The following TEC variants were observed in gnomAD, a reference collection of about 807,000 sequenced individuals.
The protein encoded by TEC is tyrosine-protein kinase Tec.
TEC carries 72 observed loss-of-function variants against 93.0 expected under a neutral mutation model. That is an observed-to-expected ratio of 0.77 (90% CI 0.64 to 0.94). The LOEUF (loss-of-function observed/expected upper bound fraction) is 0.94, where lower values mean the gene tolerates loss of function less well. Among genes scored for constraint, TEC ranks in the 40% least tolerant of loss-of-function variants. The probability of loss-of-function intolerance (pLI) is 0.00; values close to 1 mark genes in which losing one functional copy is unlikely to be tolerated. For synonymous variants in TEC, 249 were observed against 247.7 expected, an observed-to-expected ratio of 1.01 and a Z score of -0.05; for missense variants, 630 against 757.9, an observed-to-expected ratio of 0.83 and a Z score of 1.98.
rs1192031882 is a variant in TEC at position 48,225,720 on chromosome 4, C to CT, written c.138+2756dup. 5.0e-3 allele frequency among the ~76,000 whole-genome samples: 716 copies of CT among 143,336 alleles called. 4 individuals are homozygous for CT. Among genetic ancestry groups the CT allele is most frequent in the African/African-American group, 0.017 (646 of 38,648 alleles). 94.0% of individuals were successfully genotyped at this position (143,336 alleles called of 152,430 possible). A position where few individuals can be genotyped will look rare whatever the true frequency, so the allele number is the denominator to read the frequency against. ...AGTTTCTTTTTTTTTCTTTTTTTTT[C>CT]TTTTTTTTTTACTACTGACAATTAT... On this transcript the variant is annotated intron_variant, in intron 2 of 17. Transcript: ENST00000381501.
chr4:48,138,822 C>T lies in TEC; in HGVS notation c.1655G>A (p.Gly552Asp), dbSNP rs147484158. The change falls in exon 17 of 18, where the codon GGT becomes GAT. Residue 552 changes from glycine to aspartate, a missense_variant and splice_region_variant. Around this residue, in one of 3 missense-constraint regions of TEC, gnomAD observed 289 missense variants for 390.0 expected, o/e 0.74. Coordinates refer to ENST00000381501, the MANE Select transcript of TEC (RefSeq NM_003215.3). Reference sequence around the variant, plus strand: ...CGTGAATACTTCCCACATTAAAACACCTGGAAAAGGATAAGGATTACCAAA... The same window carrying T: ...CGTGAATACTTCCCACATTAAAACATCTGGAAAAGGATAAGGATTACCAAA... ...FSSKSDVWSFGVLMWEVFTEG... is the reference protein window; with the variant it reads ...FSSKSDVWSFDVLMWEVFTEG... 6.2e-7 allele frequency: 1 copy of T among 1,613,502 alleles called. No homozygotes were observed. Among genetic ancestry groups the T allele is most frequent in the Non-Finnish European group, 8.5e-7 (1 of 1,179,610 alleles).
chr4:48,251,006 C>T (rs1724184765), intron 1 of TEC, among the ~76,000 whole-genome samples: 1 of 152,200 alleles, frequency 6.6e-6, no homozygotes, highest in Non-Finnish European at 1.5e-5. Flanking sequence ...TAATGGGTCT[C>T]AGTACTTCCT....
chr4:48,245,573 C>T (rs773123386), intron 1 of TEC, among the ~76,000 whole-genome samples: 1 of 152,218 alleles, frequency 6.6e-6, no homozygotes, highest in Non-Finnish European at 1.5e-5. Flanking sequence ...ATCAGTATTA[C>T]TGTTTTAACT....
chr4:48,151,034 T>C, intron 9 of TEC, 92 bp from the exon 10 acceptor site: 1 of 817,686 alleles, frequency 1.2e-6, no homozygotes, highest in Non-Finnish European at 1.8e-6. Flanking sequence ...TATAATTTTA[T>C]GATTATTATT....
chr4:48,197,086 C>T (rs865911914), intron 2 of TEC, among the ~76,000 whole-genome samples: 5 of 152,162 alleles, frequency 3.3e-5, no homozygotes, highest in Admixed American at 1.3e-4. Flanking sequence ...CATATTTTGC[C>T]GGTTTGTCAG....
At chr4:48,243,858 A>C (rs1988444) in intron 1 of TEC, among the ~76,000 whole-genome samples, 117,605 of 151,652 alleles carry the variant, frequency 0.78, 46,484 homozygotes, top group African/African-American at 0.93. Flanking sequence ...AGGAGAAACA[A>C]CTAATGTAAA....
rs150862846 is a variant in TEC at position 48,248,303 on chromosome 4, C to T, written c.-45-19644G>A. ...TGGATATCTAGGGTGGCCTCATTCACGCTTCTGGCAATTATAAGCTATCAG... is the reference window on the plus strand; with the variant it reads ...TGGATATCTAGGGTGGCCTCATTCATGCTTCTGGCAATTATAAGCTATCAG... On this transcript the variant is annotated intron_variant, in intron 1 of 17. Transcript: ENST00000381501. 6.0e-3 allele frequency among the ~76,000 whole-genome samples: 910 copies of T among 152,278 alleles called. 8 individuals are homozygous for T. Among genetic ancestry groups the T allele is most frequent in the South Asian group, 0.016 (78 of 4,828 alleles).
intron 2 of TEC, among the ~76,000 whole-genome samples, chr4:48,198,176 C>T (rs1015469145): frequency 2.0e-5 from 3 of 152,194 alleles, no homozygotes; most frequent in Non-Finnish European, 4.4e-5. Context: ...CTGCAGCTGC[C>T]TCAGGCCATG....
At chr4:48,175,787 T>C (rs1336232506) in intron 3 of TEC, among the ~76,000 whole-genome samples, 1 of 152,184 alleles carries the variant, frequency 6.6e-6, no homozygotes, top group Non-Finnish European at 1.5e-5. Context: ...TCTAATATTA[T>C]TTTTTTCATC....
Position 48,168,636 on chromosome 4 carries a change from C to T in TEC, c.455-10G>A, listed in dbSNP as rs79330492. Reference sequence around the variant, plus strand: ...AGTGCTTTTCTTATACCTGAAAATGCCAACAACAAAAACAGATTAAAATGC... The same window carrying T: ...AGTGCTTTTCTTATACCTGAAAATGTCAACAACAAAAACAGATTAAAATGC... On this transcript the variant is annotated splice_polypyrimidine_tract_variant and intron_variant, in intron 5 of 17. Coordinates refer to ENST00000381501, the MANE Select transcript of TEC (RefSeq NM_003215.3). 3.0e-3 allele frequency: 4,764 copies of T among 1,599,022 alleles called. 84 individuals are homozygous for T. In the African/African-American group the frequency reaches 0.044, roughly 15 times the overall value.
At chr4:48,185,026 C>CAAAGTACCAT (rs969962865) in intron 2 of TEC, among the ~76,000 whole-genome samples, 1 of 151,728 alleles carries the variant, frequency 6.6e-6, no homozygotes, top group African/African-American at 2.4e-5. Context: ...GCACAGATAT[C>CAAAGTACCAT]AAAGTACCAT....
intron 9 of TEC, among the ~76,000 whole-genome samples, chr4:48,153,105 A>G (rs1224353357): frequency 1.3e-5 from 2 of 152,152 alleles, no homozygotes; most frequent in African/African-American, 4.8e-5. Flanking sequence ...TTTTAAAGGT[A>G]TAGCAATTTC....
At chr4:48,262,573 G>C (rs1264401050) in intron 1 of TEC, among the ~76,000 whole-genome samples, 1 of 151,986 alleles carries the variant, frequency 6.6e-6, no homozygotes, top group Non-Finnish European at 1.5e-5. Context: ...GTACTTGCTT[G>C]GTACTATGCT....
At chr4:48,204,417 G>A (rs1187653054) in intron 2 of TEC, among the ~76,000 whole-genome samples, 1 of 152,184 alleles carries the variant, frequency 6.6e-6, no homozygotes, top group African/African-American at 2.4e-5. Flanking sequence ...TGACTCCACT[G>A]GGAGAGGACT....
At chr4:48,236,573 C>T (rs1723792416) in intron 1 of TEC, among the ~76,000 whole-genome samples, 3 of 152,198 alleles carry the variant, frequency 2.0e-5, no homozygotes, top group Admixed American at 6.5e-5. Flanking sequence ...TGAGCCACCG[C>T]GCCGGGCCAC....
chr4:48,218,852 T>C (rs146465271), intron 2 of TEC, among the ~76,000 whole-genome samples: 2 of 152,262 alleles, frequency 1.3e-5, no homozygotes, highest in African/African-American at 4.8e-5. Context: ...GCCCCCACCA[T>C]CATGTTTGTT....
At chr4:48,238,138 TAG>T (rs1490001783) in intron 1 of TEC, among the ~76,000 whole-genome samples, 1 of 152,112 alleles carries the variant, frequency 6.6e-6, no homozygotes, top group Non-Finnish European at 1.5e-5. Context: ...TCAATCAAAA[TAG>T]AGTACATTCT....
intron 2 of TEC, among the ~76,000 whole-genome samples, chr4:48,216,239 C>A (rs1202664440): frequency 1.6e-5 from 2 of 126,620 alleles, no homozygotes; most frequent in East Asian, 4.6e-4. Context: ...ATCTCTACGC[C>A]CCAGGAAAAA....
chr4:48,180,571 A>G (rs1422310758), intron 2 of TEC, among the ~76,000 whole-genome samples: 1 of 152,184 alleles, frequency 6.6e-6, no homozygotes, highest in Non-Finnish European at 1.5e-5. Context: ...TTATTTTTAA[A>G]GGATAAGTAT....
Sources: allele counts gnomAD v4.1 joint callset (sites outside exome capture counted in the v4.1 genomes callset), GRCh38; gene constraint gnomAD v4.1.1; regional missense constraint gnomAD v4.1.1; transcripts MANE v1.5; gene names NCBI Gene and HGNC (gene_info 2026-07-23, HGNC 2026-07-21).